Variants in TAFA1 observed in about 807,000 individuals in gnomAD.
The protein encoded by TAFA1 is chemokine-like protein TAFA-1.
In TAFA1, 4 loss-of-function variants were observed where a neutral mutation model predicts 18.5. The ratio of observed to expected loss-of-function variants is 0.22; its 90% confidence interval spans 0.11 to 0.49. TAFA1 has a LOEUF of 0.49. TAFA1 is among the 20% of genes least tolerant of loss of function. The pLI, the probability that TAFA1 is intolerant of heterozygous loss-of-function variation, is 0.98. For missense variants in TAFA1, 147 were observed against 169.0 expected (o/e 0.87, Z 0.72); for synonymous variants, 56 against 55.2 (o/e 1.01, Z -0.06).
At chr3:68,521,233 C>G (rs1288720760) in intron 3 of TAFA1, among the ~76,000 whole-genome samples, 2 of 152,186 alleles carry the variant, frequency 1.3e-5, no homozygotes, top group Admixed American at 6.5e-5. Context: ...CCAGAGCGCC[C>G]TCCCCAGCAG....
At chr3:68,451,683 G>A (rs2071568303) in intron 3 of TAFA1, among the ~76,000 whole-genome samples, 1 of 152,142 alleles carries the variant, frequency 6.6e-6, no homozygotes, top group African/African-American at 2.4e-5. Context: ...ATAATGACAT[G>A]AGAAGACACT....
chr3:68,142,759 C>T (rs954345041), intron 2 of TAFA1, among the ~76,000 whole-genome samples: 1 of 152,190 alleles, frequency 6.6e-6, no homozygotes, highest in Non-Finnish European at 1.5e-5. Flanking sequence ...AGCTCTGAAT[C>T]TCTTTAAGAT....
chr3:68,302,067 A>G (rs1170086856), intron 2 of TAFA1, among the ~76,000 whole-genome samples: 2 of 152,214 alleles, frequency 1.3e-5, no homozygotes, highest in South Asian at 2.1e-4. Flanking sequence ...ATGAAATATT[A>G]TATAAGTATT....
chr3:68,350,814 A>C (rs1245867353), intron 2 of TAFA1, among the ~76,000 whole-genome samples: 1 of 152,142 alleles, frequency 6.6e-6, no homozygotes, highest in African/African-American at 2.4e-5. Context: ...GCCGTGGACC[A>C]GCCACTTAAC....
intron 2 of TAFA1, among the ~76,000 whole-genome samples, chr3:68,297,711 A>G (rs974802037): frequency 3.3e-5 from 5 of 151,894 alleles, no homozygotes; most frequent in Non-Finnish European, 5.9e-5. Context: ...TCCTCTCCTG[A>G]TATCAGTGGG....
chr3:68,245,029 A>C (rs946557155), intron 2 of TAFA1, among the ~76,000 whole-genome samples: 7 of 152,160 alleles, frequency 4.6e-5, no homozygotes, highest in African/African-American at 1.7e-4. Context: ...TCATCTATCA[A>C]GCCTTTATTT....
chr3:68,074,906 T>A (rs2064805751), intron 2 of TAFA1, among the ~76,000 whole-genome samples: 1 of 152,252 alleles, frequency 6.6e-6, no homozygotes, highest in African/African-American at 2.4e-5. Context: ...CATTTCTGAA[T>A]TCTCTGAAAT....
intron 2 of TAFA1, among the ~76,000 whole-genome samples, chr3:68,324,192 T>C (rs929056527): frequency 1.3e-5 from 2 of 152,200 alleles, no homozygotes; most frequent in African/African-American, 4.8e-5. Flanking sequence ...TAAATTAATA[T>C]TCACTACAGT....
At chr3:68,370,161 G>A (rs1347535371) in intron 2 of TAFA1, among the ~76,000 whole-genome samples, 5 of 146,966 alleles carry the variant, frequency 3.4e-5, no homozygotes, top group East Asian at 2.1e-4. Flanking sequence ...TGTGGCAGGC[G>A]CCTGTAGTCC....
intron 2 of TAFA1, among the ~76,000 whole-genome samples, chr3:68,128,239 C>G (rs1449344449): frequency 1.3e-5 from 2 of 152,156 alleles, no homozygotes; most frequent in Non-Finnish European, 2.9e-5. Flanking sequence ...ACTAATCTAA[C>G]ATCTTGCATC....
At chr3:68,436,750 G>A (rs2071274152) in intron 3 of TAFA1, among the ~76,000 whole-genome samples, 1 of 152,126 alleles carries the variant, frequency 6.6e-6, no homozygotes, top group Non-Finnish European at 1.5e-5. Context: ...TCTGTGGAAA[G>A]TTGTGATTAA....
intron 2 of TAFA1, among the ~76,000 whole-genome samples, chr3:68,116,631 C>A (rs565799446): frequency 1.3e-5 from 2 of 152,172 alleles, no homozygotes; most frequent in Non-Finnish European, 2.9e-5. Flanking sequence ...AGTTTCAGGT[C>A]ATCAAAATTT....
chr3:68,067,645 T>A (rs1295533921), intron 2 of TAFA1, among the ~76,000 whole-genome samples: 1 of 152,212 alleles, frequency 6.6e-6, no homozygotes, highest in Non-Finnish European at 1.5e-5. Flanking sequence ...TGAATTTGCA[T>A]CCATTTTAAC....
At chr3:68,308,702 T>G (rs9822608) in intron 2 of TAFA1, among the ~76,000 whole-genome samples, 116,057 of 152,040 alleles carry the variant, frequency 0.76, 44,443 homozygotes, top group Middle Eastern at 0.86. Context: ...TCATCAGGAA[T>G]ATAATGCTCA....
intron 2 of TAFA1, among the ~76,000 whole-genome samples, chr3:68,073,091 T>C (rs1379620597): frequency 6.6e-6 from 1 of 152,146 alleles, no homozygotes; most frequent in Non-Finnish European, 1.5e-5. Flanking sequence ...CAAAGAAAAT[T>C]TCAAGACAGG....
intron 2 of TAFA1, among the ~76,000 whole-genome samples, chr3:68,301,570 C>T (rs1006953652): frequency 6.6e-6 from 1 of 152,090 alleles, no homozygotes; most frequent in East Asian, 1.9e-4. Context: ...AGTAAAGTGG[C>T]CCCCTGTCTG....
intron 2 of TAFA1, among the ~76,000 whole-genome samples, chr3:68,222,200 G>A (rs1022635314): frequency 1.3e-5 from 2 of 150,924 alleles, no homozygotes; most frequent in African/African-American, 4.9e-5. Context: ...CCTAAAAACA[G>A]TTGATGTAGT....
intron 2 of TAFA1, among the ~76,000 whole-genome samples, chr3:68,348,915 A>C (rs1244263245): frequency 6.6e-6 from 1 of 152,010 alleles, no homozygotes; most frequent in African/African-American, 2.4e-5. Flanking sequence ...CAAAAGCAAA[A>C]TGAATGGCTT....
At chr3:68,309,229 C>T (rs190293652) in intron 2 of TAFA1, among the ~76,000 whole-genome samples, 402 of 152,182 alleles carry the variant, frequency 2.6e-3, no homozygotes, top group Admixed American at 6.2e-3. Flanking sequence ...ACAAAGCATA[C>T]GATAGGTGTC....
Sources: gnomAD v4.1 joint callset for allele counts (sites outside exome capture counted in the v4.1 genomes callset) on GRCh38, gnomAD v4.1.1 for gene constraint, MANE v1.5 for transcripts, NCBI Gene and HGNC (gene_info 2026-07-23, HGNC 2026-07-21) for gene names.